SEMA3A: variants seen among roughly 807,000 people sequenced by gnomAD.
The protein encoded by SEMA3A is semaphorin 3A.
Under a neutral mutation model 97.9 loss-of-function variants are expected in SEMA3A, and 29 were observed. The observed-to-expected ratio is 0.30, with a 90% CI of 0.22 to 0.40. The LOEUF (loss-of-function observed/expected upper bound fraction) is 0.40. Ranked by LOEUF, SEMA3A falls within the 10% of genes least tolerant of loss-of-function variation. SEMA3A has a pLI of 1.00. For synonymous variants in SEMA3A, 321 were observed against 323.7 expected, an observed-to-expected ratio of 0.99 and a Z score of 0.09; for missense variants, 763 against 951.3, an observed-to-expected ratio of 0.80 and a Z score of 2.60.
chr7:84,487,772 AT>A (rs1806612871), intron 1 of SEMA3A, among the ~76,000 whole-genome samples: 1 of 152,134 alleles, frequency 6.6e-6, no homozygotes, highest in Non-Finnish European at 1.5e-5. Context: ...GGATCTTGAG[AT>A]TACTTTTTAA....
chr7:84,062,457 C>T (rs1286608662), intron 4 of SEMA3A, among the ~76,000 whole-genome samples: 1 of 152,162 alleles, frequency 6.6e-6, no homozygotes, highest in African/African-American at 2.4e-5. Flanking sequence ...CTACGGCTCC[C>T]AGAGTGAGCG....
At chr7:84,489,057 C>G (rs1186618320) in intron 1 of SEMA3A, 1 of 152,092 alleles carries the variant, frequency 6.6e-6, no homozygotes, top group African/African-American at 2.4e-5. Flanking sequence ...ATACTGGAGA[C>G]AGGATAATTT....
chr7:83,999,637 T>C (rs1002346839), intron 12 of SEMA3A, among the ~76,000 whole-genome samples: 6 of 152,072 alleles, frequency 3.9e-5, no homozygotes, highest in Admixed American at 3.3e-4. Flanking sequence ...GCCAGGACTA[T>C]CATATCTACT....
intron 1 of SEMA3A, among the ~76,000 whole-genome samples, chr7:84,143,569 G>T (rs966741817): frequency 7.1e-6 from 1 of 140,202 alleles, no homozygotes; most frequent in Admixed American, 7.2e-5. Flanking sequence ...AAGAGTGGAG[G>T]TGCAGACTGA....
intron 1 of SEMA3A, among the ~76,000 whole-genome samples, chr7:84,426,729 T>C (rs1202332011): frequency 6.6e-6 from 1 of 152,144 alleles, no homozygotes; most frequent in African/African-American, 2.4e-5. Context: ...TCCATTGTAA[T>C]AGCTTTTGAG....
intron 2 of SEMA3A, among the ~76,000 whole-genome samples, chr7:84,321,748 C>T (rs186427110): frequency 7.9e-4 from 120 of 151,514 alleles, no homozygotes; most frequent in Admixed American, 1.3e-3. Flanking sequence ...TGGTGGCGCA[C>T]GCCTCTAGTC....
intron 3 of SEMA3A, among the ~76,000 whole-genome samples, chr7:84,260,731 G>A (rs914920531): frequency 2.0e-5 from 3 of 152,176 alleles, no homozygotes; most frequent in African/African-American, 7.2e-5. Context: ...AGGCCAAGGG[G>A]GGGACTGAGG....
intron 14 of SEMA3A, among the ~76,000 whole-genome samples, chr7:83,980,321 TGCTGGGC>T (rs1789339245): frequency 6.6e-6 from 1 of 151,950 alleles, no homozygotes; most frequent in South Asian, 2.1e-4. Flanking sequence ...TGTATATATA[TGCTGGGC>T]GCAGTGGCAC....
chr7:84,438,685 T>A (rs1805197554), intron 1 of SEMA3A, among the ~76,000 whole-genome samples: 1 of 152,048 alleles, frequency 6.6e-6, no homozygotes, highest in Admixed American at 6.6e-5. Context: ...ACTTGATATG[T>A]TAAAGACTTC....
intron 2 of SEMA3A, among the ~76,000 whole-genome samples, chr7:84,324,308 T>G (rs897813692): frequency 6.6e-6 from 1 of 152,200 alleles, no homozygotes; most frequent in Non-Finnish European, 1.5e-5. Context: ...CATTCAAATC[T>G]TGTTCATTAG....
chr7:84,008,404 T>G (rs1409404909), intron 9 of SEMA3A, among the ~76,000 whole-genome samples: 1 of 145,490 alleles, frequency 6.9e-6, no homozygotes, highest in African/African-American at 2.6e-5. Context: ...GGAAGGAGAA[T>G]GGTGTGAGCC....
At chr7:83,992,965 A>G (rs1306130026) in intron 12 of SEMA3A, among the ~76,000 whole-genome samples, 2 of 137,632 alleles carry the variant, frequency 1.5e-5, no homozygotes, top group Non-Finnish European at 3.1e-5. Context: ...GTCTCTTTGT[A>G]GTCACTCAGG....
intron 1 of SEMA3A, among the ~76,000 whole-genome samples, chr7:84,376,413 T>C (rs1238811915): frequency 2.5e-5 from 3 of 118,196 alleles, no homozygotes; most frequent in Non-Finnish European, 3.7e-5. Context: ...CCATCCTGGC[T>C]AACACAGTGA....
chr7:84,203,504 A>ATC (rs2116302133), intron 3 of SEMA3A, among the ~76,000 whole-genome samples: 2 of 53,288 alleles, frequency 3.8e-5, no homozygotes, highest in East Asian at 6.2e-4. Context: ...GTGTGTGTGT[A>ATC]TATATATATA....
At chr7:84,408,517 A>G (rs1407779787) in intron 1 of SEMA3A, among the ~76,000 whole-genome samples, 2 of 152,086 alleles carry the variant, frequency 1.3e-5, no homozygotes, top group South Asian at 2.1e-4. Flanking sequence ...TAGAAATACC[A>G]TCTGACCCAG....
chr7:84,422,436 C>T lies in SEMA3A; in HGVS notation c.-245-50536G>A, dbSNP rs182722311. 3.9e-3 allele frequency among the ~76,000 whole-genome samples: 600 copies of T among 151,972 alleles called. 6 individuals are homozygous for T. The highest frequency in any genetic ancestry group is 0.014 in the African/African-American group (577 of 41,462). ...ATTCTTTATTGGTCTGGCTATCCATCTATCTATTTTGTTAATCTTTTCAAA... is the reference window on the plus strand; with the variant it reads ...ATTCTTTATTGGTCTGGCTATCCATTTATCTATTTTGTTAATCTTTTCAAA... On this transcript the variant is annotated intron_variant, in intron 1 of 3. Coordinates refer to the SEMA3A transcript ENST00000424555.
At chr7:84,170,338 GC>G (rs1797347829) in intron 1 of SEMA3A, among the ~76,000 whole-genome samples, 1 of 152,012 alleles carries the variant, frequency 6.6e-6, no homozygotes, top group Non-Finnish European at 1.5e-5. Flanking sequence ...ATGATGTGCA[GC>G]TACTGCAATT....
At chr7:83,976,480 A>T (rs1018601071) in intron 15 of SEMA3A, among the ~76,000 whole-genome samples, 1 of 152,216 alleles carries the variant, frequency 6.6e-6, no homozygotes, top group Non-Finnish European at 1.5e-5. Context: ...TAATGTTTCA[A>T]TTATGGAAAG....
intron 3 of SEMA3A, among the ~76,000 whole-genome samples, chr7:84,282,823 G>A (rs1243680574): frequency 6.6e-6 from 1 of 151,968 alleles, no homozygotes; most frequent in Non-Finnish European, 1.5e-5. Context: ...AAACCAGCGT[G>A]GCCAACATTG....
Sources: allele counts gnomAD v4.1 joint callset (sites outside exome capture counted in the v4.1 genomes callset), GRCh38; gene constraint gnomAD v4.1.1; transcripts MANE v1.5; gene names NCBI Gene and HGNC (gene_info 2026-07-23, HGNC 2026-07-21).